Variants in CNTNAP4 observed in about 807,000 individuals in gnomAD.
CNTNAP4 encodes the protein contactin-associated protein-like 4.
Under a neutral mutation model 148.4 loss-of-function variants are expected in CNTNAP4, and 98 were observed. The ratio of observed to expected loss-of-function variants is 0.66; its 90% CI spans 0.56 to 0.78. CNTNAP4 has a LOEUF of 0.78. Ranked by LOEUF, CNTNAP4 falls within the 30% of genes least tolerant of loss-of-function variation. CNTNAP4 has a pLI of 0.00. For synonymous variants in CNTNAP4, 730 were observed against 565.1 expected, an observed-to-expected ratio of 1.29 and a Z score of -4.14; for missense variants, 1,935 against 1,565.6, an observed-to-expected ratio of 1.24 and a Z score of -3.98.
At chr16:76,440,692 T>A (rs1911244) in intron 4 of CNTNAP4, among the ~76,000 whole-genome samples, 1 of 151,942 alleles carries the variant, frequency 6.6e-6, no homozygotes, top group Non-Finnish European at 1.5e-5. Flanking sequence ...TTCCAGAGAT[T>A]CTAATTTGGT....
At chr16:76,420,166 T>C (rs1422447021) in intron 3 of CNTNAP4, among the ~76,000 whole-genome samples, 1 of 72,422 alleles carries the variant, frequency 1.4e-5, no homozygotes, top group Non-Finnish European at 3.9e-5. Flanking sequence ...TGTGTGTGTA[T>C]AAATATTCTA....
At chr16:76,477,230 T>G (rs773554376) in intron 11 of CNTNAP4, among the ~76,000 whole-genome samples, 2 of 152,184 alleles carry the variant, frequency 1.3e-5, no homozygotes, top group Non-Finnish European at 2.9e-5. Context: ...GTTTTTCTGA[T>G]GAAATGGATT....
chr16:76,456,370 C>T (rs2080731768), intron 8 of CNTNAP4, among the ~76,000 whole-genome samples: 1 of 152,104 alleles, frequency 6.6e-6, no homozygotes, highest in Non-Finnish European at 1.5e-5. Flanking sequence ...TCTTTGTAAA[C>T]CTTATCTAGA....
intron 7 of CNTNAP4, among the ~76,000 whole-genome samples, chr16:76,452,059 G>GTT (rs200276930): frequency 7.2e-6 from 1 of 138,276 alleles, no homozygotes; most frequent in Non-Finnish European, 1.6e-5. Context: ...TGGTAAAAAT[G>GTT]TTTTTTTTTT....
chr16:76,538,188 A>G lies in CNTNAP4; in HGVS notation c.3068A>G (p.Asn1023Ser), dbSNP rs563487575. The G allele has an allele frequency of 6.2e-7, 1 of 1,600,638 alleles. No individual in the cohort carries two copies. The highest frequency in any genetic ancestry group is 1.3e-5 in the African/African-American group (1 of 74,582). ...CAAGAAAATTATCTTTTAAGTAAAAACTCCAGCTCCCACGCTGCTTCATTT... is the reference window on the plus strand; with the variant it reads ...CAAGAAAATTATCTTTTAAGTAAAAGCTCCAGCTCCCACGCTGCTTCATTT... Reference protein sequence around the residue: ...NFQENYLLSKNSSSHAASFHG... With the variant: ...NFQENYLLSKSSSSHAASFHG... The change falls in exon 19 of 24, where the codon AAC becomes AGC. Residue 1023 changes from asparagine (N) to serine (S), a missense_variant. By Grantham distance (46) the Asn-to-Ser change is conservative. Coordinates refer to ENST00000611870, the MANE Select transcript of CNTNAP4 (RefSeq NM_033401.5).
chr16:76,308,369 C>G (rs73619300), intron 1 of CNTNAP4, among the ~76,000 whole-genome samples: 4,920 of 152,228 alleles, frequency 0.032, 285 homozygotes, highest in African/African-American at 0.11. Context: ...ATTTCATCAC[C>G]TATGCTTAGA....
chr16:76,396,762 G>A (rs184145968), intron 3 of CNTNAP4, among the ~76,000 whole-genome samples: 41 of 152,216 alleles, frequency 2.7e-4, no homozygotes, highest in African/African-American at 8.2e-4. Flanking sequence ...CACACACATC[G>A]CTGACTGTTC....
At chr16:76,556,023 T>G (rs1004462411) in intron 23 of CNTNAP4, among the ~76,000 whole-genome samples, 8 of 152,188 alleles carry the variant, frequency 5.3e-5, no homozygotes, top group Admixed American at 4.6e-4. Flanking sequence ...CTTTGTTCAT[T>G]GTCTAGTCAC....
At chr16:76,395,580 G>A (rs958557762) in intron 3 of CNTNAP4, among the ~76,000 whole-genome samples, 31 of 151,840 alleles carry the variant, frequency 2.0e-4, no homozygotes, top group African/African-American at 7.3e-4. Context: ...TCTTAAAATA[G>A]GGTGTAATAA....
intron 4 of CNTNAP4, among the ~76,000 whole-genome samples, chr16:76,430,835 G>T (rs574573054): frequency 6.6e-6 from 1 of 152,246 alleles, no homozygotes; most frequent in African/African-American, 2.4e-5. Flanking sequence ...TACACAACCC[G>T]TGTTAGATCT....
intron 12 of CNTNAP4, among the ~76,000 whole-genome samples, chr16:76,482,783 G>T (rs769608683): frequency 6.6e-6 from 1 of 152,086 alleles, no homozygotes; most frequent in Middle Eastern, 3.2e-3. Flanking sequence ...CAGCACTGCA[G>T]GTGCTTCTCA....
chr16:76,487,145 T>C (rs1449018222), intron 12 of CNTNAP4, among the ~76,000 whole-genome samples: 1 of 152,218 alleles, frequency 6.6e-6, no homozygotes, highest in African/African-American at 2.4e-5. Flanking sequence ...TTATCTACAA[T>C]GTATAGAATT....
chr16:76,511,777 G>C (rs1392048987), intron 15 of CNTNAP4, among the ~76,000 whole-genome samples: 2 of 151,558 alleles, frequency 1.3e-5, no homozygotes, highest in Admixed American at 1.3e-4. Context: ...GTGGGAAAGA[G>C]CAAAAGAGCA....
intron 2 of CNTNAP4, among the ~76,000 whole-genome samples, chr16:76,348,359 G>A (rs1221641785): frequency 6.6e-6 from 1 of 152,012 alleles, no homozygotes; most frequent in South Asian, 2.1e-4. Flanking sequence ...GGGAAGGAGT[G>A]TAGGCAGATT....
At chr16:76,310,888 G>C (rs987261685) in intron 1 of CNTNAP4, among the ~76,000 whole-genome samples, 18 of 151,956 alleles carry the variant, frequency 1.2e-4, no homozygotes, top group Non-Finnish European at 2.4e-4. Flanking sequence ...CAGATTGCCT[G>C]AATTTAAATA....
intron 8 of CNTNAP4, among the ~76,000 whole-genome samples, chr16:76,457,771 A>G (rs2080789790): frequency 6.6e-6 from 1 of 151,766 alleles, no homozygotes; most frequent in Admixed American, 6.6e-5. Context: ...CTTGTATTTT[A>G]TGTCTTATTT....
rs1275921732 is a variant in CNTNAP4 at position 76,469,256 on chromosome 16, G to C, written c.1655+1733G>C. Reference sequence around the variant, plus strand: ...TATATAATGAAAGATGATATGAAAAGAGAGAATTTAGACGTTAAACCTCAA... The same window carrying C: ...TATATAATGAAAGATGATATGAAAACAGAGAATTTAGACGTTAAACCTCAA... On this transcript the variant is annotated intron_variant, in intron 10 of 23. Coordinates refer to ENST00000611870, the MANE Select transcript of CNTNAP4 (RefSeq NM_033401.5). Among the ~76,000 whole-genome samples the C allele has an allele frequency of 3.9e-5, 6 of 152,340 alleles. No individual in the cohort carries two copies. The East Asian group carries it at 1.2e-3, about 29-fold the overall frequency.
chr16:76,308,537 G>C (rs547334068), intron 1 of CNTNAP4, among the ~76,000 whole-genome samples: 20 of 152,298 alleles, frequency 1.3e-4, no homozygotes, highest in Non-Finnish European at 2.2e-4. Flanking sequence ...CACCACAAAA[G>C]TTCCTTCAGT....
At chr16:76,523,124 C>A (rs1209084871) in intron 17 of CNTNAP4, among the ~76,000 whole-genome samples, 2 of 151,864 alleles carry the variant, frequency 1.3e-5, no homozygotes, top group Non-Finnish European at 1.5e-5. Context: ...TATTTATTAT[C>A]TTATTGTTTT....
Sources: allele counts gnomAD v4.1 joint callset (sites outside exome capture counted in the v4.1 genomes callset), GRCh38; gene constraint gnomAD v4.1.1; transcripts MANE v1.5; gene names NCBI Gene and HGNC (gene_info 2026-07-23, HGNC 2026-07-21).